The following NFIA variants were observed in gnomAD, a reference collection of about 807,000 sequenced individuals.
NFIA encodes nuclear factor 1 A-type.
A neutral mutation model predicts 62.8 loss-of-function variants in NFIA; 8 were observed. The observed-to-expected ratio is 0.13, with a 90% confidence interval of 0.07 to 0.23. The LOEUF is 0.23. NFIA is among the 10% of genes least tolerant of loss of function. NFIA has a pLI of 1.00. For missense variants in NFIA, 410 were observed against 642.1 expected (o/e 0.64, Z 3.91); for synonymous variants, 235 against 238.1 (o/e 0.99, Z 0.12).
At chr1:61,327,632 T>C (rs1008844276) in intron 3 of NFIA, among the ~76,000 whole-genome samples, 1 of 152,206 alleles carries the variant, frequency 6.6e-6, no homozygotes, top group Non-Finnish European at 1.5e-5. Flanking sequence ...ATGGTATATA[T>C]ATATACCATA....
intron 2 of NFIA, among the ~76,000 whole-genome samples, chr1:61,252,415 G>A (rs1246034453): frequency 6.6e-6 from 1 of 152,112 alleles, no homozygotes; most frequent in Non-Finnish European, 1.5e-5. Context: ...TGAACCAATG[G>A]CATGCAAGTT....
At chr1:61,350,357 A>G (rs1397563959) in intron 4 of NFIA, among the ~76,000 whole-genome samples, 1 of 151,836 alleles carries the variant, frequency 6.6e-6, no homozygotes, top group Non-Finnish European at 1.5e-5. Context: ...CACCGGGCAC[A>G]TGTTGGCTCA....
intron 7 of NFIA, among the ~76,000 whole-genome samples, chr1:61,384,672 G>A (rs1402759874): frequency 2.0e-5 from 3 of 152,146 alleles, no homozygotes; most frequent in Non-Finnish European, 1.5e-5. Context: ...GAGATATGAA[G>A]CCCTTTTAGT....
chr1:61,123,542 A>G (rs1020444434), intron 2 of NFIA, among the ~76,000 whole-genome samples: 5 of 152,206 alleles, frequency 3.3e-5, no homozygotes, highest in East Asian at 1.9e-4. Flanking sequence ...GTGAAATGAC[A>G]TAAGTCTGTA....
chr1:61,093,743 G>C (rs1483031004), intron 2 of NFIA, among the ~76,000 whole-genome samples: 2 of 152,190 alleles, frequency 1.3e-5, no homozygotes, highest in Admixed American at 6.5e-5. Context: ...GTAAACCTTT[G>C]AATGGAAGTC....
At chr1:61,082,366 C>T (rs1646113659), upstream of NFIA, 1 of 527,956 alleles carries the variant, frequency 1.9e-6, no homozygotes, top group Non-Finnish European at 2.4e-6. Flanking sequence ...CCCTCCCCCA[C>T]ACCCCCTCCC....
chr1:61,167,013 C>T (rs1649618040), intron 2 of NFIA, among the ~76,000 whole-genome samples: 3 of 152,108 alleles, frequency 2.0e-5, no homozygotes, highest in African/African-American at 7.2e-5. Context: ...AGGTGGCACA[C>T]ACCTGTAATC....
chr1:61,404,953 A>G (rs564483792), intron 8 of NFIA, among the ~76,000 whole-genome samples: 1 of 152,356 alleles, frequency 6.6e-6, no homozygotes, highest in South Asian at 2.1e-4. Context: ...AAAATCAGAA[A>G]TTTTATTTCA....
At chr1:61,080,551 G>GT (rs1385146362), upstream of NFIA, among the ~76,000 whole-genome samples, 1 of 152,200 alleles carries the variant, frequency 6.6e-6, no homozygotes, top group African/African-American at 2.4e-5. Flanking sequence ...GCGCATTGAA[G>GT]TTATAGATCC....
At chr1:61,206,280 A>G (rs1353165681) in intron 2 of NFIA, among the ~76,000 whole-genome samples, 1 of 152,068 alleles carries the variant, frequency 6.6e-6, no homozygotes, top group African/African-American at 2.4e-5. Context: ...AATGTTTTGT[A>G]TTTGTATGAA....
chr1:61,278,028 C>T (rs1657915600), intron 3 of NFIA, among the ~76,000 whole-genome samples: 1 of 142,238 alleles, frequency 7.0e-6, no homozygotes, highest in African/African-American at 2.8e-5. Context: ...TTTGGGAGCT[C>T]AACACTTTGC....
At chr1:61,182,962 C>T (rs10789093) in intron 2 of NFIA, among the ~76,000 whole-genome samples, 40,724 of 152,066 alleles carry the variant, frequency 0.27, 6,255 homozygotes, top group East Asian at 0.48. Context: ...ACTATACTTG[C>T]AAGTTTTCCA....
chr1:61,197,114 G>A (rs1230096816), intron 2 of NFIA, among the ~76,000 whole-genome samples: 1 of 151,958 alleles, frequency 6.6e-6, no homozygotes, highest in African/African-American at 2.4e-5. Flanking sequence ...GAAGAGATAA[G>A]AGTTTGGACC....
At chr1:61,296,219 C>A (rs1448137782) in intron 3 of NFIA, among the ~76,000 whole-genome samples, 1 of 152,172 alleles carries the variant, frequency 6.6e-6, no homozygotes, top group African/African-American at 2.4e-5. Context: ...TCCAGTTGAT[C>A]CAGAATACAC....
At chr1:61,082,130 C>A, upstream of NFIA, 1 of 1,169,678 alleles carries the variant, frequency 8.5e-7, no homozygotes, top group Non-Finnish European at 1.2e-6. Context: ...CTGTGGCAGC[C>A]TATAGCTGCC....
At chr1:61,183,414 C>G (rs553356210) in intron 2 of NFIA, among the ~76,000 whole-genome samples, 1 of 152,138 alleles carries the variant, frequency 6.6e-6, no homozygotes, top group Non-Finnish European at 1.5e-5. Flanking sequence ...GCCCCTTGCT[C>G]TGGAGGAACA....
chr1:61,438,837 A>G (rs1305637840), intron 10 of NFIA, among the ~76,000 whole-genome samples: 1 of 152,140 alleles, frequency 6.6e-6, no homozygotes, highest in Non-Finnish European at 1.5e-5. Context: ...AGCTGACATG[A>G]TTAGTTCTAA....
intron 2 of NFIA, among the ~76,000 whole-genome samples, chr1:61,103,368 C>G (rs1646544174): frequency 6.6e-6 from 1 of 152,186 alleles, no homozygotes; most frequent in Admixed American, 6.5e-5. Context: ...AACATCATTT[C>G]CTCAAGGAAG....
intron 9 of NFIA, among the ~76,000 whole-genome samples, chr1:61,415,856 G>A (rs1666325420): frequency 6.6e-6 from 1 of 152,022 alleles, no homozygotes; most frequent in South Asian, 2.1e-4. Flanking sequence ...TACATGGCTA[G>A]GGCATATGAA....
Sources: gnomAD v4.1 joint callset for allele counts (sites outside exome capture counted in the v4.1 genomes callset) on GRCh38, gnomAD v4.1.1 for gene constraint, MANE v1.5 for transcripts, NCBI Gene and HGNC (gene_info 2026-07-23, HGNC 2026-07-21) for gene names.